KCNH7: variants seen among roughly 807,000 people sequenced by gnomAD.
The protein encoded by KCNH7 is potassium voltage-gated channel subfamily H member 7, also known as voltage-gated inwardly rectifying potassium channel KCNH7.
A neutral mutation model predicts 120.8 loss-of-function variants in KCNH7; 49 were observed. The observed-to-expected ratio is 0.41, with a 90% CI of 0.32 to 0.51. The LOEUF is 0.51. Ranked by LOEUF, KCNH7 falls within the 20% of genes least tolerant of loss-of-function variation. The probability of loss-of-function intolerance (pLI) is 0.38; values close to 1 mark genes in which losing one functional copy is unlikely to be tolerated. For synonymous variants in KCNH7, 547 were observed against 516.1 expected, an observed-to-expected ratio of 1.06 and a Z score of -0.81; for missense variants, 1,097 against 1,446.6, an observed-to-expected ratio of 0.76 and a Z score of 3.92.
chr2:162,463,169 T>C (rs1458361646), intron 6 of KCNH7, among the ~76,000 whole-genome samples: 1 of 152,012 alleles, frequency 6.6e-6, no homozygotes, highest in African/African-American at 2.4e-5. Flanking sequence ...TATGGACTTG[T>C]TCTTTTTGGA....
chr2:162,616,380 G>A (rs1261017097), intron 2 of KCNH7, among the ~76,000 whole-genome samples: 4 of 152,288 alleles, frequency 2.6e-5, no homozygotes, highest in Admixed American at 2.0e-4. Flanking sequence ...TAAATCACAC[G>A]ATTAATGTGC....
At chr2:162,622,146 T>C (rs1683385267) in intron 2 of KCNH7, among the ~76,000 whole-genome samples, 1 of 152,230 alleles carries the variant, frequency 6.6e-6, no homozygotes, top group Non-Finnish European at 1.5e-5. Flanking sequence ...TTCTTATGCA[T>C]AGTTATCAAA....
At chr2:162,541,860 G>GA (rs1209965658) in intron 2 of KCNH7, among the ~76,000 whole-genome samples, 1 of 151,870 alleles carries the variant, frequency 6.6e-6, no homozygotes, top group Non-Finnish European at 1.5e-5. Context: ...AAAAATTGAA[G>GA]AAAAAAAGGC....
intron 2 of KCNH7, among the ~76,000 whole-genome samples, chr2:162,732,279 T>A (rs569196424): frequency 8.3e-4 from 127 of 152,258 alleles, no homozygotes; most frequent in African/African-American, 2.7e-3. Flanking sequence ...CAGCCTCTGA[T>A]GCAGACTGTG....
At chr2:162,792,354 A>C (rs1251066461) in intron 2 of KCNH7, among the ~76,000 whole-genome samples, 1 of 152,114 alleles carries the variant, frequency 6.6e-6, no homozygotes, top group Non-Finnish European at 1.5e-5. Flanking sequence ...TTTCAGCAGG[A>C]ATATTGCCAG....
At chr2:162,641,772 T>C (rs1016557098) in intron 2 of KCNH7, among the ~76,000 whole-genome samples, 1 of 152,158 alleles carries the variant, frequency 6.6e-6, no homozygotes, top group Non-Finnish European at 1.5e-5. Flanking sequence ...TTGCAAAATG[T>C]TATCATTGGT....
intron 2 of KCNH7, among the ~76,000 whole-genome samples, chr2:162,628,461 C>T (rs1683635736): frequency 6.6e-6 from 1 of 152,014 alleles, no homozygotes; most frequent in Non-Finnish European, 1.5e-5. Context: ...TTAACTTTTA[C>T]TCAGGGGTAC....
intron 2 of KCNH7, among the ~76,000 whole-genome samples, chr2:162,710,140 G>A (rs927984219): frequency 2.6e-5 from 4 of 152,038 alleles, no homozygotes; most frequent in African/African-American, 9.7e-5. Flanking sequence ...GCTCCATATC[G>A]TATGAAATAA....
chr2:162,779,655 T>C (rs565463569), intron 2 of KCNH7, among the ~76,000 whole-genome samples: 1 of 152,306 alleles, frequency 6.6e-6, no homozygotes, highest in African/African-American at 2.4e-5. Context: ...GCCATTTCAT[T>C]TTTATCCCCC....
rs569249041 is a variant in KCNH7 at position 162,648,768 on chromosome 2, A to AC, written c.308-111689dup. ...AATATTTACTATCTAGACCTTTACCACCCCCCCAAAAAAATTTTGCTCACT... is the reference window on the plus strand; with the variant it reads ...AATATTTACTATCTAGACCTTTACCACCCCCCCCAAAAAAATTTTGCTCACT... On this transcript the variant is annotated intron_variant, in intron 2 of 15. Coordinates refer to ENST00000332142, the MANE Select transcript of KCNH7 (RefSeq NM_033272.4). 4.8e-4 allele frequency among the ~76,000 whole-genome samples: 73 copies of AC among 151,142 alleles called. 1 individual carries two copies. Among genetic ancestry groups the AC allele is most frequent in the African/African-American group, 1.6e-3 (66 of 41,144 alleles).
intron 2 of KCNH7, among the ~76,000 whole-genome samples, chr2:162,646,431 C>G (rs192561329): frequency 1.3e-5 from 2 of 152,264 alleles, no homozygotes; most frequent in Admixed American, 6.5e-5. Context: ...GGCCCCTTCC[C>G]TCAAAGATGT....
chr2:162,674,312 G>A lies in KCNH7; in HGVS notation c.308-137232C>T, dbSNP rs570363616. Reference sequence around the variant, plus strand: ...AATAAGAGACGTGTGAAACCTTTACGGGAAAAGATTTTAAATTTTAATGAA... The same window carrying A: ...AATAAGAGACGTGTGAAACCTTTACAGGAAAAGATTTTAAATTTTAATGAA... On this transcript the variant is annotated intron_variant, in intron 2 of 15. Coordinates refer to ENST00000332142, the MANE Select transcript of KCNH7 (RefSeq NM_033272.4). Among the ~76,000 whole-genome samples, 126 of 151,670 alleles carry A rather than the reference G, an allele frequency of 8.3e-4. No homozygotes were observed. The Middle Eastern group carries it at 0.014, about 17-fold the overall frequency.
At chr2:162,706,861 G>T (rs1686721535) in intron 2 of KCNH7, among the ~76,000 whole-genome samples, 1 of 152,072 alleles carries the variant, frequency 6.6e-6, no homozygotes, top group Admixed American at 6.6e-5. Context: ...GGTTGGTCTG[G>T]TCATTTAAAC....
At chr2:162,682,803 T>A (rs1035025994) in intron 2 of KCNH7, among the ~76,000 whole-genome samples, 4 of 151,796 alleles carry the variant, frequency 2.6e-5, no homozygotes, top group Admixed American at 6.6e-5. Context: ...CCTATCTGTA[T>A]TTGTAATGGT....
chr2:162,640,078 G>A (rs1050714121), intron 2 of KCNH7, among the ~76,000 whole-genome samples: 14 of 152,098 alleles, frequency 9.2e-5, no homozygotes, highest in African/African-American at 3.4e-4. Context: ...GACAAAGTGT[G>A]TTCATGGATT....
intron 2 of KCNH7, among the ~76,000 whole-genome samples, chr2:162,607,091 T>C (rs2105963807): frequency 6.6e-6 from 1 of 151,860 alleles, no homozygotes; most frequent in Non-Finnish European, 1.5e-5. Context: ...AAAATAAGAC[T>C]AGAGGCCAGG....
At chr2:162,657,864 A>G (rs1684820197) in intron 2 of KCNH7, among the ~76,000 whole-genome samples, 1 of 141,102 alleles carries the variant, frequency 7.1e-6, no homozygotes, top group African/African-American at 3.1e-5. Flanking sequence ...TATAAAACTC[A>G]TAGAAGATAA....
At chr2:162,372,886 T>C (rs1172110921) in intron 15 of KCNH7, among the ~76,000 whole-genome samples, 1 of 152,180 alleles carries the variant, frequency 6.6e-6, no homozygotes, top group African/African-American at 2.4e-5. Flanking sequence ...GATAAAGGAC[T>C]CTTTAAATTG....
chr2:162,579,251 G>A lies in KCNH7; in HGVS notation c.308-42171C>T, dbSNP rs867780166. Among the ~76,000 whole-genome samples, 50 of 152,070 alleles carry A rather than the reference G, an allele frequency of 3.3e-4. No individual in the cohort carries two copies. In the Middle Eastern group the frequency reaches 0.014, roughly 41 times the overall value. On this transcript the variant is annotated intron_variant, in intron 2 of 15. Coordinates refer to ENST00000332142, the MANE Select transcript of KCNH7 (RefSeq NM_033272.4). The stretch of plus-strand genomic sequence containing the variant: ...AAGCTCGTCTCTCCTCAAGAATCAG[G>A]GTCATGCTAAAGTGGTCCCTTGGCT...
Sources: allele counts gnomAD v4.1 joint callset (sites outside exome capture counted in the v4.1 genomes callset), GRCh38; gene constraint gnomAD v4.1.1; transcripts MANE v1.5; gene names NCBI Gene and HGNC (gene_info 2026-07-23, HGNC 2026-07-21).